Variants in REEP1 observed in about 807,000 individuals in gnomAD.
REEP1 encodes the protein receptor expression-enhancing protein 1.
REEP1 carries 22 observed loss-of-function variants against 40.3 expected under a neutral mutation model. The ratio of observed to expected loss-of-function variants is 0.55; its 90% CI spans 0.39 to 0.78. The LOEUF is 0.78. Among genes scored for constraint, REEP1 ranks in the 30% least tolerant of loss-of-function variants. The pLI, the probability that REEP1 is intolerant of heterozygous loss-of-function variation, is 0.00. For missense variants in REEP1, 280 were observed against 361.1 expected (o/e 0.78, Z 1.82); for synonymous variants, 116 against 139.2 (o/e 0.83, Z 1.17).
At chr2:86,330,675 G>A (rs962986257) in intron 1 of REEP1, among the ~76,000 whole-genome samples, 19 of 151,774 alleles carry the variant, frequency 1.3e-4, no homozygotes, top group African/African-American at 3.9e-4. Flanking sequence ...CAAATTCCTG[G>A]GCTCAAGTGA....
chr2:86,319,404 G>A (rs1680178447), intron 1 of REEP1, among the ~76,000 whole-genome samples: 1 of 151,792 alleles, frequency 6.6e-6, no homozygotes, highest in Non-Finnish European at 1.5e-5. Context: ...CCCAATAACT[G>A]TGAATGTGAT....
intron 1 of REEP1, among the ~76,000 whole-genome samples, chr2:86,304,436 G>A (rs1679394403): frequency 6.6e-6 from 1 of 152,120 alleles, no homozygotes; most frequent in African/African-American, 2.4e-5. Context: ...CTCTCAGGGT[G>A]GGAGGGGGAC....
At chr2:86,219,914 C>T (rs968597012) in intron 8 of REEP1, 56 bp downstream of exon 8, 14 of 1,225,114 alleles carry the variant, frequency 1.1e-5, no homozygotes, top group Admixed American at 4.2e-5. Context: ...CCCCAATCTC[C>T]AGGGCATAGC....
intron 1 of REEP1, among the ~76,000 whole-genome samples, chr2:86,320,834 T>C (rs555619498): frequency 4.9e-4 from 75 of 152,278 alleles, no homozygotes; most frequent in African/African-American, 1.7e-3. Context: ...TGAAGAGACT[T>C]TTTGAGAAAG....
chr2:86,217,237 G>T, intron 8 of REEP1, 127 bp from the exon 9 acceptor site: 1 of 772,342 alleles, frequency 1.3e-6, no homozygotes, highest in East Asian at 2.6e-5. Context: ...GCTAGGGCTG[G>T]GGTCTCCCTG....
intron 5 of REEP1, among the ~76,000 whole-genome samples, chr2:86,242,977 C>T (rs528224786): frequency 7.2e-5 from 11 of 151,972 alleles, no homozygotes; most frequent in East Asian, 1.9e-4. Flanking sequence ...GTGGGACACA[C>T]GGAAGGGCAG....
chr2:86,284,893 T>C (rs544416590), intron 1 of REEP1, among the ~76,000 whole-genome samples: 9 of 152,336 alleles, frequency 5.9e-5, no homozygotes, highest in Non-Finnish European at 1.2e-4. Context: ...ACAAGGTCCC[T>C]ACACACAAGT....
intron 1 of REEP1, among the ~76,000 whole-genome samples, chr2:86,314,842 G>A (rs1324557795): frequency 1.3e-5 from 2 of 150,688 alleles, no homozygotes; most frequent in Non-Finnish European, 3.0e-5. Flanking sequence ...ACAGGCATGC[G>A]CCACCATACC....
chr2:86,218,779 A>T (rs1232379536), intron 8 of REEP1, among the ~76,000 whole-genome samples: 3 of 152,178 alleles, frequency 2.0e-5, no homozygotes, highest in Admixed American at 6.5e-5. Flanking sequence ...TGTGTGCCTC[A>T]CCTTGCAAAG....
intron 1 of REEP1, among the ~76,000 whole-genome samples, chr2:86,282,712 T>C (rs758856843): frequency 3.3e-5 from 5 of 152,174 alleles, no homozygotes; most frequent in Non-Finnish European, 7.3e-5. Context: ...TTTCATATTG[T>C]AAATCCAATC....
intron 1 of REEP1, among the ~76,000 whole-genome samples, chr2:86,283,121 T>C (rs1179502956): frequency 6.6e-6 from 1 of 152,226 alleles, no homozygotes; most frequent in Non-Finnish European, 1.5e-5. Flanking sequence ...CATAGCACAG[T>C]GTACCTATTA....
At chr2:86,233,548 G>A (rs1197668037) in intron 5 of REEP1, among the ~76,000 whole-genome samples, 2 of 152,108 alleles carry the variant, frequency 1.3e-5, no homozygotes, top group Non-Finnish European at 2.9e-5. Context: ...TTTTACTTAC[G>A]AAAGAGCAGC....
intron 5 of REEP1, among the ~76,000 whole-genome samples, chr2:86,244,957 C>T (rs951882431): frequency 3.3e-5 from 5 of 152,186 alleles, no homozygotes; most frequent in Non-Finnish European, 7.3e-5. Flanking sequence ...CCAGCCTGGC[C>T]AACATGGCGA....
Position 86,232,618 on chromosome 2 carries a change from C to T in REEP1, c.595+7G>A, listed in dbSNP as rs372060747. The T allele has an allele frequency of 1.9e-6, 3 of 1,612,220 alleles. No individual in the cohort carries two copies. Among genetic ancestry groups the T allele is most frequent in the Non-Finnish European group, 2.5e-6 (3 of 1,179,958 alleles). Reference sequence around the variant, plus strand: ...GTGGGAAAGAGGGGAAGTAAAGTGACACCTACCTGAGCTGCTAGCGCTCTC... The same window carrying T: ...GTGGGAAAGAGGGGAAGTAAAGTGATACCTACCTGAGCTGCTAGCGCTCTC... On this transcript the variant is annotated splice_region_variant and intron_variant, in intron 6 of 8. Transcript: ENST00000538924.
rs567750911 is a variant in REEP1, at chr2:86,262,974, GA to G, written c.182+990del. ...CATTGCTGGAAATAGCTGCATTGCTGATAAGAGAAAAATATGGGTATCAACT... is the reference window on the plus strand; with the variant it reads ...CATTGCTGGAAATAGCTGCATTGCTGTAAGAGAAAAATATGGGTATCAACT... On this transcript the variant is annotated intron_variant, in intron 3 of 8. Transcript: ENST00000538924. 3.6e-3 allele frequency among the ~76,000 whole-genome samples: 542 copies of G among 152,210 alleles called. 4 individuals carry two copies. The highest frequency in any genetic ancestry group is 0.012 in the African/African-American group (517 of 41,524).
chr2:86,316,277 G>A (rs1038860383), intron 1 of REEP1, among the ~76,000 whole-genome samples: 6 of 152,124 alleles, frequency 3.9e-5, no homozygotes, highest in Non-Finnish European at 7.3e-5. Context: ...GGTGGTTCAC[G>A]CCTGTAATCC....
intron 5 of REEP1, among the ~76,000 whole-genome samples, chr2:86,240,254 A>C (rs1198660543): frequency 6.6e-6 from 1 of 152,238 alleles, no homozygotes; most frequent in African/African-American, 2.4e-5. Context: ...CCGCAGAGGA[A>C]CAAAGACGAG....
intron 1 of REEP1, chr2:86,336,698 C>T (rs111745226): frequency 0.022 from 3,319 of 152,588 alleles, 62 homozygotes; most frequent in East Asian, 0.083. Context: ...ACGCCCACCC[C>T]CAATGACTTC....
intron 1 of REEP1, among the ~76,000 whole-genome samples, chr2:86,310,885 G>A (rs1005936313): frequency 6.6e-6 from 1 of 152,174 alleles, no homozygotes; most frequent in African/African-American, 2.4e-5. Context: ...AAATCTATGA[G>A]TTAAGAAATA....
Sources: allele counts gnomAD v4.1 joint callset (sites outside exome capture counted in the v4.1 genomes callset), GRCh38; gene constraint gnomAD v4.1.1; transcripts MANE v1.5; gene names NCBI Gene and HGNC (gene_info 2026-07-23, HGNC 2026-07-21).